The following SPDYE10 variants were observed in gnomAD, a reference collection of about 807,000 sequenced individuals.
SPDYE10 encodes the protein speedy protein E10.
At chr7:73,149,295 T>TTGG in the SPDYE10 span, among the ~76,000 whole-genome samples, 26 of 98,264 alleles carry the variant, frequency 2.6e-4, 1 homozygote, top group East Asian at 4.7e-4. Flanking sequence ...AGCTATTTTT[T>TTGG]GGGGGGGCGG....
the SPDYE10 span, among the ~76,000 whole-genome samples, chr7:73,114,666 A>G: frequency 7.2e-6 from 1 of 138,502 alleles, no homozygotes; most frequent in African/African-American, 2.7e-5. Flanking sequence ...CCTCCCAAGT[A>G]TCTGGGACTA....
chr7:73,134,537 A>AAGAAAAAGAAAGAAAGAAAGAAAGAAAG, the SPDYE10 span, among the ~76,000 whole-genome samples: 3 of 139,528 alleles, frequency 2.2e-5, no homozygotes, highest in Admixed American at 1.4e-4. Context: ...GAAAGAAAGA[A>AAGAAAAAGAAAGAAAGAAAGAAAGAAAG]AAAGAAAGAA....
chr7:73,105,089 CAT>C, the SPDYE10 span: 1 of 252,804 alleles, frequency 4.0e-6, no homozygotes, highest in Non-Finnish European at 7.2e-6. Context: ...CTGTGGCACT[CAT>C]ATTTCACAAA....
the SPDYE10 span, among the ~76,000 whole-genome samples, chr7:73,149,676 A>G: frequency 1.3e-5 from 2 of 149,974 alleles, no homozygotes; most frequent in Admixed American, 1.3e-4. Context: ...GCACTCAGTT[A>G]GACAGTCAGA....
chr7:73,127,525 C>T, the SPDYE10 span, among the ~76,000 whole-genome samples: 3 of 58,374 alleles, frequency 5.1e-5, no homozygotes, highest in East Asian at 7.9e-4. Flanking sequence ...CGCCACTGCT[C>T]ACCAGCCTGG....
chr7:73,142,555 T>C, the SPDYE10 span, among the ~76,000 whole-genome samples: 1 of 152,192 alleles, frequency 6.6e-6, no homozygotes, highest in Non-Finnish European at 1.5e-5. Context: ...GAGAACAGGA[T>C]CTTTTGGAAA....
At chr7:73,134,416 A>G in the SPDYE10 span, among the ~76,000 whole-genome samples, 1 of 150,326 alleles carries the variant, frequency 6.7e-6, no homozygotes, top group Non-Finnish European at 1.5e-5. Flanking sequence ...GATATACCCA[A>G]TGTAAATGAT....
chr7:73,130,251 C>G, the SPDYE10 span, among the ~76,000 whole-genome samples: 1 of 149,802 alleles, frequency 6.7e-6, no homozygotes, highest in African/African-American at 2.5e-5. Flanking sequence ...CCCAAGAGTT[C>G]AAGACCAGCC....
At chr7:73,137,642 G>GA in the SPDYE10 span, among the ~76,000 whole-genome samples, 7 of 94,290 alleles carry the variant, frequency 7.4e-5, no homozygotes, top group South Asian at 7.2e-4. Context: ...AAGAAAGAAA[G>GA]GAGAAAGAAA....
the SPDYE10 span, among the ~76,000 whole-genome samples, chr7:73,127,534 G>A: frequency 1.7e-5 from 1 of 60,128 alleles, no homozygotes; most frequent in African/African-American, 5.9e-5. Flanking sequence ...TCACCAGCCT[G>A]GGCAACAATC....
chr7:73,126,625 G>A, the SPDYE10 span, among the ~76,000 whole-genome samples: 15 of 146,158 alleles, frequency 1.0e-4, no homozygotes, highest in Admixed American at 2.7e-4. Context: ...GTCTATATAG[G>A]GTTCTATCAT....
At chr7:73,139,956 CTT>C in the SPDYE10 span, among the ~76,000 whole-genome samples, 3 of 17,904 alleles carry the variant, frequency 1.7e-4, no homozygotes, top group Admixed American at 6.4e-4. Context: ...AGCGCCCGGC[CTT>C]TTTTTTTTTT....
At chr7:73,137,829 A>G in the SPDYE10 span, among the ~76,000 whole-genome samples, 62 of 42,508 alleles carry the variant, frequency 1.5e-3, no homozygotes, top group Non-Finnish European at 1.6e-3. Flanking sequence ...GAAGGAGAGG[A>G]GAAGGGGAGG....
chr7:73,127,649 A>C, the SPDYE10 span, among the ~76,000 whole-genome samples: 1 of 129,562 alleles, frequency 7.7e-6, no homozygotes, highest in Non-Finnish European at 1.7e-5. Flanking sequence ...AAAAAAAAAA[A>C]AAAAAAACAG....
the SPDYE10 span, among the ~76,000 whole-genome samples, chr7:73,148,986 T>G: frequency 7.0e-6 from 1 of 143,876 alleles, no homozygotes; most frequent in Admixed American, 7.0e-5. Flanking sequence ...TAACTTTTTT[T>G]TTTTTTTTGT....
chr7:73,149,329 C>A, the SPDYE10 span, among the ~76,000 whole-genome samples: 1 of 127,702 alleles, frequency 7.8e-6, no homozygotes, highest in Admixed American at 8.2e-5. Flanking sequence ...GCTCTGTCAC[C>A]CAGGCTGGAG....
chr7:73,118,276 TG>T, the SPDYE10 span, among the ~76,000 whole-genome samples: 1 of 23,764 alleles, frequency 4.2e-5, no homozygotes, highest in Non-Finnish European at 7.3e-5. Flanking sequence ...CAGTTTCAGC[TG>T]GTTTCAAATG....
the SPDYE10 span, among the ~76,000 whole-genome samples, chr7:73,138,593 G>A: frequency 1.3e-5 from 2 of 151,414 alleles, no homozygotes; most frequent in African/African-American, 2.5e-5. Context: ...TGGCCAGGAT[G>A]GTCTCAATCT....
chr7:73,150,942 A>AT, the SPDYE10 span, among the ~76,000 whole-genome samples: 1 of 18,862 alleles, frequency 5.3e-5, no homozygotes, highest in African/African-American at 2.5e-4. Flanking sequence ...ATATATATAT[A>AT]TATATATTTT....
Sources: allele counts gnomAD v4.1 joint callset (sites outside exome capture counted in the v4.1 genomes callset), GRCh38; gene constraint gnomAD v4.1.1; transcripts MANE v1.5; gene names NCBI Gene and HGNC (gene_info 2026-07-23, HGNC 2026-07-21).